Variants in PPARGC1A observed in about 807,000 individuals in gnomAD.
The protein encoded by PPARGC1A is peroxisome proliferator-activated receptor gamma coactivator 1-alpha.
PPARGC1A carries 25 observed loss-of-function variants against 88.7 expected under a neutral mutation model. That is an observed-to-expected ratio of 0.28 (90% CI 0.21 to 0.39). PPARGC1A has a LOEUF of 0.39. Among genes scored for constraint, PPARGC1A ranks in the 10% least tolerant of loss-of-function variants. The pLI is 1.00. For synonymous variants in PPARGC1A, 363 were observed against 355.6 expected (o/e 1.02, Z -0.24); for missense variants, 880 against 968.7 (o/e 0.91, Z 1.22).
chr4:24,436,113 A>G, the PPARGC1A span, among the ~76,000 whole-genome samples: 7 of 152,212 alleles, frequency 4.6e-5, no homozygotes, highest in African/African-American at 1.7e-4. Flanking sequence ...CATATTCCTT[A>G]GATATTCCCG....
the PPARGC1A span, among the ~76,000 whole-genome samples, chr4:24,040,651 C>A: frequency 2.0e-5 from 3 of 152,182 alleles, no homozygotes; most frequent in Non-Finnish European, 2.9e-5. Flanking sequence ...TGAGTTAATG[C>A]AACACCGGAG....
chr4:23,870,150 A>G (rs754889556), intron 2 of PPARGC1A, among the ~76,000 whole-genome samples: 10 of 152,258 alleles, frequency 6.6e-5, no homozygotes, highest in Non-Finnish European at 1.5e-4. Flanking sequence ...GTGTTTGTAT[A>G]TATGCCTCAC....
chr4:24,434,307 G>C, the PPARGC1A span, among the ~76,000 whole-genome samples: 43 of 152,300 alleles, frequency 2.8e-4, no homozygotes, highest in African/African-American at 1.0e-3. Flanking sequence ...CGGAGGATTT[G>C]CTTTCAGACT....
At chr4:24,361,883 A>G in the PPARGC1A span, among the ~76,000 whole-genome samples, 1 of 151,152 alleles carries the variant, frequency 6.6e-6, no homozygotes, top group Non-Finnish European at 1.5e-5. Flanking sequence ...AGAAACATAC[A>G]GTCTGATTGC....
the PPARGC1A span, among the ~76,000 whole-genome samples, chr4:24,393,481 A>G: frequency 6.6e-6 from 1 of 152,246 alleles, no homozygotes; most frequent in Non-Finnish European, 1.5e-5. Flanking sequence ...TGCACACTGC[A>G]TGGTAATAGT....
the PPARGC1A span, among the ~76,000 whole-genome samples, chr4:23,913,613 C>T: frequency 2.0e-5 from 3 of 152,134 alleles, no homozygotes; most frequent in Admixed American, 6.5e-5. Flanking sequence ...GAGATATTTA[C>T]AACATAAGCT....
the PPARGC1A span, among the ~76,000 whole-genome samples, chr4:23,934,659 G>A: frequency 6.6e-6 from 1 of 152,126 alleles, no homozygotes; most frequent in Admixed American, 6.5e-5. Flanking sequence ...GCCCATGCTG[G>A]TGAAGCTAAT....
the PPARGC1A span, among the ~76,000 whole-genome samples, chr4:24,307,024 G>C: frequency 1.3e-5 from 2 of 152,032 alleles, no homozygotes; most frequent in African/African-American, 4.8e-5. Flanking sequence ...CTACTTTTTT[G>C]TCTTAAGATT....
the PPARGC1A span, among the ~76,000 whole-genome samples, chr4:23,994,419 G>A: frequency 6.6e-6 from 1 of 152,144 alleles, no homozygotes; most frequent in African/African-American, 2.4e-5. Context: ...GAGAAAAGTG[G>A]TCTGTGGGGA....
At chr4:23,834,771 T>C (rs2148569810) in intron 2 of PPARGC1A, among the ~76,000 whole-genome samples, 1 of 152,284 alleles carries the variant, frequency 6.6e-6, no homozygotes, top group Non-Finnish European at 1.5e-5. Context: ...GATCATAATC[T>C]GGTATCCAAA....
the PPARGC1A span, among the ~76,000 whole-genome samples, chr4:24,422,101 G>A: frequency 6.6e-6 from 1 of 152,132 alleles, no homozygotes; most frequent in Non-Finnish European, 1.5e-5. Flanking sequence ...GGCCAAATCC[G>A]GCCCACTGTC....
intron 12 of PPARGC1A, among the ~76,000 whole-genome samples, chr4:23,797,367 A>G (rs1717796725): frequency 6.6e-6 from 1 of 152,120 alleles, no homozygotes; most frequent in Non-Finnish European, 1.5e-5. Flanking sequence ...CAAAAAAAAA[A>G]ATGTCTAGCT....
chr4:24,165,960 G>A, the PPARGC1A span, among the ~76,000 whole-genome samples: 3 of 152,186 alleles, frequency 2.0e-5, no homozygotes, highest in East Asian at 5.8e-4. Flanking sequence ...AATGAGAAAG[G>A]CATGTCGAAA....
chr4:24,294,678 A>C, the PPARGC1A span, among the ~76,000 whole-genome samples: 1 of 152,198 alleles, frequency 6.6e-6, no homozygotes, highest in African/African-American at 2.4e-5. Flanking sequence ...GAGTCTCTTC[A>C]TTCATAGATA....
chr4:23,799,798 G>A (rs552781296), intron 12 of PPARGC1A, among the ~76,000 whole-genome samples: 5 of 152,216 alleles, frequency 3.3e-5, no homozygotes, highest in South Asian at 2.1e-4. Context: ...GTGATGAATC[G>A]TGATCTAAAG....
the PPARGC1A span, among the ~76,000 whole-genome samples, chr4:24,394,400 CGTCTAGGGACCCTGAAGTTCAT>C: frequency 2.2e-4 from 34 of 152,292 alleles, no homozygotes; most frequent in African/African-American, 7.9e-4. Context: ...CTGAAGTTCA[CGTCTAGGGACCCTGAAGTTCAT>C]GCTTAGCACT....
the PPARGC1A span, among the ~76,000 whole-genome samples, chr4:24,006,238 G>A: frequency 2.0e-5 from 3 of 152,032 alleles, no homozygotes; most frequent in Non-Finnish European, 2.9e-5. Context: ...TAGTAGAGAC[G>A]GGGTTTCATC....
At chr4:23,814,717 G>C in intron 7 of PPARGC1A, 112 bp from the exon 8 acceptor site, 4 of 1,034,044 alleles carry the variant, frequency 3.9e-6, no homozygotes, top group Non-Finnish European at 5.4e-6. Flanking sequence ...TTTCAGACAA[G>C]GGTTCAAACT....
the PPARGC1A span, among the ~76,000 whole-genome samples, chr4:24,033,365 AAAG>A: frequency 3.3e-5 from 5 of 152,014 alleles, no homozygotes. Flanking sequence ...TTTTTATAAT[AAAG>A]GAGATAGAAG....
Sources: allele counts gnomAD v4.1 joint callset (sites outside exome capture counted in the v4.1 genomes callset), GRCh38; gene constraint gnomAD v4.1.1; transcripts MANE v1.5; gene names NCBI Gene and HGNC (gene_info 2026-07-23, HGNC 2026-07-21).